The following CARD10 variants were observed in gnomAD, a reference collection of about 807,000 sequenced individuals.
CARD10 encodes caspase recruitment domain-containing protein 10.
In CARD10, 49 loss-of-function variants were observed where a neutral mutation model predicts 114.6. The ratio of observed to expected loss-of-function variants is 0.43; its 90% CI spans 0.34 to 0.54. The LOEUF is 0.54. CARD10 is among the 20% of genes least tolerant of loss of function. CARD10 has a pLI of 0.03. For synonymous variants in CARD10, 602 were observed against 593.2 expected (o/e 1.01, Z -0.21); for missense variants, 1,206 against 1,397.2 (o/e 0.86, Z 2.18).
intron 7 of CARD10, 24 bp from the exon 8 acceptor site, chr22:37,504,793 G>T: frequency 6.8e-7 from 1 of 1,476,360 alleles, no homozygotes; most frequent in Non-Finnish European, 9.0e-7. Flanking sequence ...AGGAGAGGAA[G>T]GAGGTGAGCA....
intron 11 of CARD10, among the ~76,000 whole-genome samples, chr22:37,497,889 C>A (rs1163221797): frequency 2.0e-5 from 3 of 151,486 alleles, no homozygotes; most frequent in Non-Finnish European, 4.4e-5. Flanking sequence ...TGCTCACAGT[C>A]TGAGGAGGGA....
At chr22:37,498,608 G>A (rs771286545) in intron 11 of CARD10, among the ~76,000 whole-genome samples, 35 of 152,196 alleles carry the variant, frequency 2.3e-4, no homozygotes, top group Non-Finnish European at 4.6e-4. Context: ...GAACAGCCCC[G>A]CCCTCTCAGG....
Position 37,495,987 on chromosome 22 carries a change from G to T in CARD10, c.2076C>A (p.His692Gln). The change falls in exon 14 of 20, where the codon CAC (histidine) becomes CAA (glutamine). Residue 692 changes from histidine to glutamine, a missense_variant. By Grantham distance (24) the His-to-Gln change is conservative. Coordinates refer to ENST00000251973, the MANE Select transcript of CARD10 (RefSeq NM_014550.4). ...CCTTTGCCCAGGCTTCTAGGGCCTC[G>T]TGGAAGGACTGGCAGGCTGGGCATG... Reference protein sequence around the residue: ...LMDSKACQSFHEALEAWAKGP... With the variant: ...LMDSKACQSFQEALEAWAKGP... 1 of 1,613,864 alleles carries T rather than the reference G, an allele frequency of 6.2e-7. No individual in the cohort carries two copies. The highest frequency in any genetic ancestry group is 1.1e-5 in the South Asian group (1 of 91,090).
At position 37,491,072 on chromosome 22, in the gene CARD10, G is replaced by A. The variant is rs181634983; in HGVS notation, c.*87C>T. Reference sequence around the variant, plus strand: ...TGCATCTGAGAGTCCAAGGGTCTAGGAAGGCTCAGGGTGGGAGGGCCCAGC... The same window carrying A: ...TGCATCTGAGAGTCCAAGGGTCTAGAAAGGCTCAGGGTGGGAGGGCCCAGC... On this transcript the variant is annotated 3_prime_UTR_variant, in exon 20 of 20. Coordinates refer to ENST00000251973, the MANE Select transcript of CARD10 (RefSeq NM_014550.4). 9.3e-7 allele frequency: 1 copy of A among 1,079,190 alleles called. No individual in the cohort carries two copies. Among genetic ancestry groups the A allele is most frequent in the East Asian group, 2.6e-5 (1 of 38,494 alleles). The allele number at this position is 1,079,190 out of a possible 1,614,324, so 66.9% of individuals were successfully genotyped here.
At chr22:37,495,213 A>ATCTG in intron 15 of CARD10, among the ~76,000 whole-genome samples, 1 of 152,130 alleles carries the variant, frequency 6.6e-6, no homozygotes, top group South Asian at 2.1e-4. Flanking sequence ...TGATCCGCCC[A>ATCTG]CCTCGGCCTC....
Position 37,519,144 on chromosome 22 carries a change from C to T in CARD10, c.57G>A (p.Gly19=), listed in dbSNP as rs942785717. The change falls in exon 1 of 20, where the codon GGG becomes GGA. Residue 19 remains glycine (G), a synonymous_variant. Transcript: ENST00000251973. This position sits in a 1 kb window ranked among gnomAD's most constrained non-coding sequence, Gnocchi z 4.1. ...EAEEEAGAGS[G]SEAEEDALWE... ...ACAGCGCGTCCTCCTCCGCCTCAGA[C>T]CCCGAGCCGGCCCCGGCCTCCTCCT... 6.5e-7 allele frequency: 1 copy of T among 1,549,530 alleles called. No individual in the cohort carries two copies. The highest frequency in any genetic ancestry group is 1.2e-5 in the South Asian group (1 of 85,128).
In CARD10 at chr22:37,501,901, C is replaced by T. The variant is rs1923228301; in HGVS notation, c.1787+701G>A. On this transcript the variant is annotated intron_variant, in intron 11 of 19. Transcript: ENST00000251973. The surrounding 1 kb of genome is among the most constrained non-coding windows in gnomAD (Gnocchi z 5.4). ...CTGACTCAGGAAGCCTTGACTTTCG[C>T]CCTTCCCCCTCGCTCCTCCTCCACA... Among the ~76,000 whole-genome samples the T allele has an allele frequency of 1.3e-5, 2 of 152,218 alleles. No individual in the cohort carries two copies. The highest frequency in any genetic ancestry group is 6.5e-5 in the Admixed American group (1 of 15,288).
rs779637246 is a variant in CARD10 at position 37,495,853 on chromosome 22, G to C, written c.2210C>G (p.Ser737Trp). The stretch of plus-strand genomic sequence containing the variant: ...CCATTCCTGCCTCCGCTTGTATGCC[G>C]AGTCCACCAGTCGAAGGATCTCTTG... The part of the protein sequence containing the change: ...KAQEILRLVD[S>W]AYKRRQEWFC... Residue 737 changes from serine to tryptophan, a missense_variant, in exon 14 of 20, where the codon TCG (serine) becomes TGG (tryptophan). Ser to Trp is a radical substitution (Grantham distance 177, BLOSUM62 -3). This residue lies in a region of CARD10 where 1,068 missense variants were observed against 1,179.1 expected (regional missense o/e 0.91). Coordinates refer to ENST00000251973, the MANE Select transcript of CARD10 (RefSeq NM_014550.4). 1.2e-6 allele frequency: 2 copies of C among 1,614,154 alleles called. No homozygotes were observed. Among genetic ancestry groups the C allele is most frequent in the Admixed American group, 3.3e-5 (2 of 60,030 alleles).
Position 37,508,653 on chromosome 22 carries a change from G to T in CARD10, c.939C>A (p.Ser313=), listed in dbSNP as rs371566823. The part of the protein sequence containing the change: ...QEASRPGAPG[S]ERILLDILEH... Reference sequence around the variant, plus strand: ...CTAGGATGTCCAGCAGGATGCGCTCGGAGCCCGGGGCCCCCGGCCGGCTCG... The same window carrying T: ...CTAGGATGTCCAGCAGGATGCGCTCTGAGCCCGGGGCCCCCGGCCGGCTCG... Residue 313 remains serine (S), a synonymous_variant, in exon 5 of 20, where the codon TCC becomes TCA. Transcript: ENST00000251973. The T allele has an allele frequency of 1.9e-6, 3 of 1,577,760 alleles. No homozygotes were observed. The Admixed American group carries it at 5.4e-5, about 28-fold the overall frequency.
In CARD10 at chr22:37,502,597, A is replaced by G. The variant is rs762155044; in HGVS notation, c.1787+5T>C. On this transcript the variant is annotated splice_donor_5th_base_variant and intron_variant, in intron 11 of 19. Transcript: ENST00000251973. The stretch of plus-strand genomic sequence containing the variant: ...AGCTCCACCCACTGCAGGCAGCTAC[A>G]GTACCTGTTGAGGAAGTCCAGGCCA... The G allele has an allele frequency of 6.2e-7, 1 of 1,613,492 alleles. No homozygotes were observed. Among genetic ancestry groups the G allele is most frequent in the Admixed American group, 1.7e-5 (1 of 59,984 alleles).
intron 11 of CARD10, among the ~76,000 whole-genome samples, chr22:37,500,232 A>G (rs1315875757): frequency 6.6e-6 from 1 of 152,218 alleles, no homozygotes; most frequent in Non-Finnish European, 1.5e-5. Context: ...AAGAATGGGC[A>G]CAGCTAGTGG....
In CARD10 at chr22:37,495,858, C is replaced by T; in HGVS notation, c.2205G>A (p.Val735=). ...CVKAQEILRL[V]DSAYKRRQEW... ...CCTGCCTCCGCTTGTATGCCGAGTC[C>T]ACCAGTCGAAGGATCTCTTGGGCTT... is the stretch of plus-strand genomic sequence containing the variant. The change falls in exon 14 of 20, where the codon GTG becomes GTA. Residue 735 remains valine (V), a synonymous_variant. Transcript: ENST00000251973. 1 of 1,614,150 alleles carries T rather than the reference C, an allele frequency of 6.2e-7. No individual in the cohort carries two copies. Among genetic ancestry groups the T allele is most frequent in the Non-Finnish European group, 8.5e-7 (1 of 1,180,050 alleles).
chr22:37,499,523 C>T (rs1275336292), intron 11 of CARD10, among the ~76,000 whole-genome samples: 2 of 148,804 alleles, frequency 1.3e-5, no homozygotes, highest in East Asian at 2.1e-4. Context: ...CACCTCTACT[C>T]GCTCCCTCCT....
chr22:37,496,957 G>A lies in CARD10; in HGVS notation c.1947+62C>T. The A allele has an allele frequency of 6.6e-7, 1 of 1,504,914 alleles. No homozygotes were observed. Among genetic ancestry groups the A allele is most frequent in the South Asian group, 1.3e-5 (1 of 75,224 alleles). The allele number at this position is 1,504,914 out of a possible 1,614,324, so 93.2% of individuals were successfully genotyped here. A position where few individuals can be genotyped will look rare whatever the true frequency, so the allele number is the denominator to read the frequency against. On this transcript the variant is annotated intron_variant, in intron 12 of 19. Transcript: ENST00000251973. The surrounding 1 kb of genome is among the most constrained non-coding windows in gnomAD (Gnocchi z 4.1). Reference sequence around the variant, plus strand: ...GGTGATCTTGATCCACCAAATTAAGGGATGTCCAGCCTGGGCAAAAGCACT... The same window carrying A: ...GGTGATCTTGATCCACCAAATTAAGAGATGTCCAGCCTGGGCAAAAGCACT...
intron 11 of CARD10, among the ~76,000 whole-genome samples, chr22:37,498,593 C>A (rs1923093195): frequency 6.6e-6 from 1 of 152,206 alleles, no homozygotes; most frequent in Non-Finnish European, 1.5e-5. Flanking sequence ...ATCGGCACTG[C>A]TGGGGAACAG....
Position 37,516,312 on chromosome 22 carries a change from A to G in CARD10, c.374-14T>C. 5 of 1,561,540 alleles carry G rather than the reference A, an allele frequency of 3.2e-6. No homozygotes were observed. The highest frequency in any genetic ancestry group is 4.3e-6 in the Non-Finnish European group (5 of 1,152,264). On this transcript the variant is annotated splice_polypyrimidine_tract_variant and intron_variant, in intron 2 of 19. Transcript: ENST00000251973. ...GCCCCTCCTCATCTGCCAGGACAGAACAGGGGACAGAATAGGCAGCTCAGG... is the reference window on the plus strand; with the variant it reads ...GCCCCTCCTCATCTGCCAGGACAGAGCAGGGGACAGAATAGGCAGCTCAGG...
intron 11 of CARD10, among the ~76,000 whole-genome samples, chr22:37,499,763 G>T (rs1368319656): frequency 6.6e-6 from 1 of 152,060 alleles, no homozygotes; most frequent in African/African-American, 2.4e-5. Flanking sequence ...AGCCCACAGG[G>T]GCTTGCCCAG....
intron 3 of CARD10, chr22:37,510,708 C>T: frequency 2.3e-6 from 1 of 439,194 alleles, no homozygotes; most frequent in Non-Finnish European, 4.1e-6. Flanking sequence ...CGCTGTCTGT[C>T]CCGCACTTCT....
At position 37,496,979 on chromosome 22, in the gene CARD10, C is replaced by T; in HGVS notation, c.1947+40G>A. ...AAGGGATGTCCAGCCTGGGCAAAAG[C>T]ACTGACCCTACCCCCCCAGCTCAGG... On this transcript the variant is annotated intron_variant, in intron 12 of 19. Coordinates refer to ENST00000251973, the MANE Select transcript of CARD10 (RefSeq NM_014550.4). The surrounding 1 kb of genome is among the most constrained non-coding windows in gnomAD (Gnocchi z 4.1). The T allele has an allele frequency of 6.4e-7, 1 of 1,550,514 alleles. No individual in the cohort carries two copies. The highest frequency in any genetic ancestry group is 1.4e-5 in the African/African-American group (1 of 72,922).
Sources: gnomAD v4.1 joint callset for allele counts (sites outside exome capture counted in the v4.1 genomes callset) on GRCh38, gnomAD v4.1.1 for gene constraint, gnomAD v4.1.1 regional missense constraint, Gnocchi (gnomAD v3.1) non-coding constraint, MANE v1.5 for transcripts, NCBI Gene and HGNC (gene_info 2026-07-23, HGNC 2026-07-21) for gene names.